The following NAPB variants were observed in gnomAD, a reference collection of about 807,000 sequenced individuals.
NAPB encodes the protein NSF attachment protein beta.
A neutral mutation model predicts 44.7 loss-of-function variants in NAPB; 26 were observed. That is an observed-to-expected ratio of 0.58 (90% CI 0.43 to 0.81). The LOEUF is 0.81. Ranked by LOEUF, NAPB falls within the 30% of genes least tolerant of loss-of-function variation. The pLI is 0.00. For missense variants in NAPB, 315 were observed against 356.4 expected, an observed-to-expected ratio of 0.88 and a Z score of 0.94; for synonymous variants, 120 against 116.8, an observed-to-expected ratio of 1.03 and a Z score of -0.18.
At chr20:23,406,541 G>A (rs907441573) in intron 1 of NAPB, among the ~76,000 whole-genome samples, 1 of 151,958 alleles carries the variant, frequency 6.6e-6, no homozygotes, top group Non-Finnish European at 1.5e-5. Flanking sequence ...GTGAAAGATA[G>A]AATGGCAACA....
At chr20:23,388,257 TCACACA>T (rs377151020) in intron 7 of NAPB, among the ~76,000 whole-genome samples, 23 of 151,314 alleles carry the variant, frequency 1.5e-4, no homozygotes, top group Admixed American at 4.0e-4. Context: ...ACATACACAC[TCACACA>T]CACACAAACA....
chr20:23,380,754 A>C (rs1380718083), intron 8 of NAPB: 1 of 152,736 alleles, frequency 6.5e-6, no homozygotes, highest in East Asian at 1.9e-4. Flanking sequence ...CAAACTCCTG[A>C]CCTCAGGTGC....
At chr20:23,411,952 G>C (rs1041951224) in intron 1 of NAPB, among the ~76,000 whole-genome samples, 2 of 152,222 alleles carry the variant, frequency 1.3e-5, no homozygotes, top group African/African-American at 2.4e-5. Context: ...ACCCAACTTT[G>C]TGCTCAGTAC....
chr20:23,376,623 T>G lies in NAPB; in HGVS notation c.*753A>C, dbSNP rs189020020. On this transcript the variant is annotated 3_prime_UTR_variant, in exon 11 of 11. Coordinates refer to ENST00000377026, the MANE Select transcript of NAPB (RefSeq NM_022080.3). ...AAGGGATTTCCACTCCAACTAAAAG[T>G]GAAAACTATCTCCAGAAAAAGAGAA... The G allele has an allele frequency of 6.6e-6, 1 of 152,310 alleles. No homozygotes were observed. The highest frequency in any genetic ancestry group is 2.4e-5 in the African/African-American group (1 of 41,564). 9.4% of individuals were successfully genotyped at this position (152,310 alleles called of 1,614,324 possible). A position where few individuals can be genotyped will look rare whatever the true frequency, so the allele number is the denominator to read the frequency against.
At chr20:23,384,241 G>A (rs1247075014) in intron 7 of NAPB, among the ~76,000 whole-genome samples, 2 of 152,144 alleles carry the variant, frequency 1.3e-5, no homozygotes, top group African/African-American at 4.8e-5. Context: ...TGTAGACACT[G>A]AGGAATAACT....
intron 2 of NAPB, among the ~76,000 whole-genome samples, chr20:23,398,588 C>T (rs1412620288): frequency 1.3e-5 from 2 of 152,058 alleles, no homozygotes; most frequent in Non-Finnish European, 2.9e-5. Flanking sequence ...AGCCTATAAT[C>T]CCAGCACTTT....
Position 23,405,041 on chromosome 20 carries a change from G to C in NAPB, c.99-1969C>G, listed in dbSNP as rs1174060277. ...ATCCCGGCGGGGCGAGGAGGCTCAC[G>C]CCTGTAATCCCAGCACTTTGGGAGG... On this transcript the variant is annotated intron_variant, in intron 1 of 10. Transcript: ENST00000377026. Among the ~76,000 whole-genome samples the C allele has an allele frequency of 2.0e-5, 3 of 152,260 alleles. No homozygotes were observed. The East Asian group carries it at 5.8e-4, about 29-fold the overall frequency.
chr20:23,421,249 AG>A, intron 1 of NAPB, 55 bp downstream of exon 1: 1 of 1,418,246 alleles, frequency 7.1e-7, no homozygotes. Context: ...CCTGAAAGGA[AG>A]GGGGCCAAGT....
At chr20:23,385,707 T>A (rs988080155) in intron 7 of NAPB, among the ~76,000 whole-genome samples, 5 of 128,522 alleles carry the variant, frequency 3.9e-5, no homozygotes, top group African/African-American at 5.8e-5. Flanking sequence ...AGCAAGACTC[T>A]GTCTGAAAGA....
chr20:23,392,977 A>G (rs1984082444), intron 5 of NAPB, among the ~76,000 whole-genome samples: 1 of 152,220 alleles, frequency 6.6e-6, no homozygotes, highest in South Asian at 2.1e-4. Context: ...CCACTGTGAA[A>G]GAGGAAGCTG....
intron 5 of NAPB, among the ~76,000 whole-genome samples, chr20:23,391,792 C>T (rs904799713): frequency 6.6e-6 from 1 of 152,152 alleles, no homozygotes; most frequent in Non-Finnish European, 1.5e-5. Flanking sequence ...GGATTAAAAA[C>T]CGTAAAAACC....
rs2123125759 is a variant in NAPB, at chr20:23,379,466, G to A, written c.765C>T (p.Asn255=). Residue 255 remains asparagine, a synonymous_variant, in exon 10 of 11, where the codon AAC becomes AAT. Coordinates refer to ENST00000377026, the MANE Select transcript of NAPB (RefSeq NM_022080.3). The stretch of plus-strand genomic sequence containing the variant: ...TTACTGCTTCAGTGTAAGCTTCACT[G>A]TTCTGTTCTTCATGAGCTTCTAGGA... ...KKLLEAHEEQ[N]SEAYTEAVKE... 6.2e-7 allele frequency: 1 copy of A among 1,609,540 alleles called. No individual in the cohort carries two copies. Among genetic ancestry groups the A allele is most frequent in the Non-Finnish European group, 8.5e-7 (1 of 1,178,698 alleles).
intron 1 of NAPB, among the ~76,000 whole-genome samples, chr20:23,414,702 T>C (rs1357850471): frequency 6.6e-6 from 1 of 152,190 alleles, no homozygotes; most frequent in Non-Finnish European, 1.5e-5. Context: ...CTGTGAACTT[T>C]ATTAGTCACT....
At chr20:23,408,757 T>C (rs1288319351) in intron 1 of NAPB, among the ~76,000 whole-genome samples, 1 of 152,182 alleles carries the variant, frequency 6.6e-6, no homozygotes, top group Non-Finnish European at 1.5e-5. Context: ...GAAGAGATAT[T>C]TTTACATGTT....
Position 23,377,292 on chromosome 20 carries a change from T to A in NAPB, c.*84A>T. ...GCTCATATGCAACAAAATTAAGCCA[T>A]TAAATAGGCATCCCATAAAGATCAC... On this transcript the variant is annotated 3_prime_UTR_variant, in exon 11 of 11. Coordinates refer to ENST00000377026, the MANE Select transcript of NAPB (RefSeq NM_022080.3). The A allele has an allele frequency of 1.2e-6, 1 of 805,050 alleles. No individual in the cohort carries two copies. Among genetic ancestry groups the A allele is most frequent in the Non-Finnish European group, 1.9e-6 (1 of 521,492 alleles). 49.9% of individuals were successfully genotyped at this position (805,050 alleles called of 1,614,324 possible). A position where few individuals can be genotyped will look rare whatever the true frequency, so the allele number is the denominator to read the frequency against.
intron 1 of NAPB, among the ~76,000 whole-genome samples, chr20:23,416,664 G>A (rs950888835): frequency 1.1e-4 from 16 of 151,956 alleles, no homozygotes; most frequent in African/African-American, 2.7e-4. Context: ...ACAAATATAC[G>A]TATATATTTC....
chr20:23,386,849 C>T (rs1305628813), intron 7 of NAPB, among the ~76,000 whole-genome samples: 4 of 152,090 alleles, frequency 2.6e-5, no homozygotes, highest in Admixed American at 2.6e-4. Context: ...GTGAGTATAA[C>T]AGCTTTCAGT....
chr20:23,379,995 T>C (rs895305368), intron 8 of NAPB, 60 bp from the exon 9 acceptor site: 1 of 1,353,030 alleles, frequency 7.4e-7, no homozygotes, highest in Non-Finnish European at 1.1e-6. Flanking sequence ...GCTTTCAACA[T>C]TCTATCAGCT....
At chr20:23,384,553 T>C (rs1331817016) in intron 7 of NAPB, among the ~76,000 whole-genome samples, 1 of 148,174 alleles carries the variant, frequency 6.7e-6, no homozygotes, top group Non-Finnish European at 1.5e-5. Context: ...GGTTGGGAGG[T>C]GGAGGCTGCA....
Sources: gnomAD v4.1 joint callset for allele counts (sites outside exome capture counted in the v4.1 genomes callset) on GRCh38, gnomAD v4.1.1 for gene constraint, MANE v1.5 for transcripts, NCBI Gene and HGNC (gene_info 2026-07-23, HGNC 2026-07-21) for gene names.